THEMIS: variants seen among roughly 807,000 people sequenced by gnomAD.
THEMIS encodes protein THEMIS.
In THEMIS, 37 loss-of-function variants were observed where a neutral mutation model predicts 52.6. The ratio of observed to expected loss-of-function variants is 0.70; its 90% CI spans 0.54 to 0.93. THEMIS has a LOEUF of 0.93. Among genes scored for constraint, THEMIS ranks in the 40% least tolerant of loss-of-function variants. The pLI is 0.00. For missense variants in THEMIS, 808 were observed against 763.1 expected, an observed-to-expected ratio of 1.06 and a Z score of -0.69; for synonymous variants, 292 against 272.7, an observed-to-expected ratio of 1.07 and a Z score of -0.70.
upstream of THEMIS, among the ~76,000 whole-genome samples, chr6:127,904,413 G>T (rs1367170230): frequency 1.3e-5 from 2 of 152,016 alleles, no homozygotes; most frequent in East Asian, 1.9e-4. Flanking sequence ...GCTCCTGAAG[G>T]CTGCTTCCTA....
intron 1 of THEMIS, among the ~76,000 whole-genome samples, chr6:127,864,947 G>T (rs1364936909): frequency 1.3e-5 from 2 of 152,138 alleles, no homozygotes; most frequent in South Asian, 2.1e-4. Flanking sequence ...TCAGGCACAG[G>T]TTTCCAATTG....
chr6:127,892,568 G>A (rs1250345318), intron 1 of THEMIS, among the ~76,000 whole-genome samples: 1 of 151,450 alleles, frequency 6.6e-6, no homozygotes, highest in Non-Finnish European at 1.5e-5. Context: ...GCATTATTAG[G>A]ATGTATGTAA....
At chr6:127,786,616 C>T (rs1028224797) in intron 4 of THEMIS, among the ~76,000 whole-genome samples, 2 of 152,068 alleles carry the variant, frequency 1.3e-5, no homozygotes, top group African/African-American at 4.8e-5. Flanking sequence ...TGTTACTATG[C>T]TTGTTTTATG....
chr6:127,906,373 CA>C (rs1781269538), intron 1 of THEMIS, among the ~76,000 whole-genome samples: 1 of 151,644 alleles, frequency 6.6e-6, no homozygotes, highest in African/African-American at 2.4e-5. Flanking sequence ...CAAAATTGAC[CA>C]AATGAATGGA....
intron 4 of THEMIS, among the ~76,000 whole-genome samples, chr6:127,794,796 C>G (rs1024244315): frequency 3.3e-5 from 5 of 152,180 alleles, no homozygotes; most frequent in Admixed American, 2.0e-4. Context: ...GTCCTTACCT[C>G]TTGCTCTATT....
At chr6:127,897,393 A>G (rs1780999941) in intron 1 of THEMIS, among the ~76,000 whole-genome samples, 1 of 151,304 alleles carries the variant, frequency 6.6e-6, no homozygotes, top group Non-Finnish European at 1.5e-5. Flanking sequence ...GAAAATTGAC[A>G]AAGAGTAAAT....
Position 127,719,751 on chromosome 6 carries a change from T to C in THEMIS, c.1831A>G (p.Ser611Gly). 2.5e-6 allele frequency: 4 copies of C among 1,612,476 alleles called. No homozygotes were observed. In the South Asian group the frequency reaches 4.4e-5, roughly 18 times the overall value. ...TCTTCATCCACCAAATCATTCTGAC[T>C]ACCAATCAGTACTTTTGAATCCAGG... ...AGLDSKVLIGSQNDLVDEEKE... is the reference protein window; with the variant it reads ...AGLDSKVLIGGQNDLVDEEKE... Residue 611 changes from serine to glycine, a missense_variant, in exon 5 of 6, where the codon AGT becomes GGT. Transcript: ENST00000368248.
chr6:127,703,035 G>GTT, the THEMIS span, among the ~76,000 whole-genome samples: 1,228 of 82,352 alleles, frequency 0.015, 304 homozygotes, highest in African/African-American at 0.044. Flanking sequence ...TTTAGAATGA[G>GTT]TTTTTTTTTT....
chr6:127,904,938 C>T (rs902138330), upstream of THEMIS, among the ~76,000 whole-genome samples: 1 of 151,032 alleles, frequency 6.6e-6, no homozygotes, highest in African/African-American at 2.4e-5. Flanking sequence ...AATATCTGCT[C>T]TCTCTCTTTC....
chr6:127,897,564 C>A (rs761672706), intron 1 of THEMIS, among the ~76,000 whole-genome samples: 10 of 151,362 alleles, frequency 6.6e-5, no homozygotes. Flanking sequence ...TATTAGTCAT[C>A]AAGGAGATGA....
chr6:127,848,830 T>C (rs1288073833), intron 2 of THEMIS, among the ~76,000 whole-genome samples: 3 of 152,156 alleles, frequency 2.0e-5, no homozygotes, highest in African/African-American at 7.2e-5. Flanking sequence ...TATTAGCCCT[T>C]TGTCAGATGA....
chr6:127,869,578 G>T (rs749785972), intron 1 of THEMIS, among the ~76,000 whole-genome samples: 2 of 152,126 alleles, frequency 1.3e-5, no homozygotes, highest in African/African-American at 2.4e-5. Context: ...GGAGTTCCAG[G>T]CATATTAATC....
intron 4 of THEMIS, among the ~76,000 whole-genome samples, chr6:127,726,353 CTCT>C (rs1774547636): frequency 2.0e-5 from 3 of 152,200 alleles, no homozygotes; most frequent in East Asian, 3.9e-4. Context: ...CTACAAAGAC[CTCT>C]TCTTCTTCCT....
chr6:127,776,657 A>C (rs1042337255), intron 4 of THEMIS, among the ~76,000 whole-genome samples: 2 of 152,222 alleles, frequency 1.3e-5, no homozygotes, highest in East Asian at 3.8e-4. Flanking sequence ...ACTCACAGAA[A>C]CTGTGCCATA....
intron 5 of THEMIS, among the ~76,000 whole-genome samples, chr6:127,715,235 T>C (rs1158853439): frequency 6.6e-6 from 1 of 151,910 alleles, no homozygotes; most frequent in Non-Finnish European, 1.5e-5. Flanking sequence ...AATATCGTTA[T>C]TCTGTTTATA....
rs569687556 is a variant in THEMIS at position 127,801,572 on chromosome 6, A to C, written c.1758+11311T>G. 3.3e-5 allele frequency among the ~76,000 whole-genome samples: 5 copies of C among 152,132 alleles called. No individual in the cohort carries two copies. In the East Asian group the frequency reaches 9.7e-4, roughly 29 times the overall value. On this transcript the variant is annotated intron_variant, in intron 4 of 5. Transcript: ENST00000368248. ...ACACTGAGTTTCGAAACTCTCATGA[A>C]CCTTTTTTGCTTTTTTGCCAGAAGA...
At chr6:127,816,294 CT>C (rs1014893160) in intron 3 of THEMIS, among the ~76,000 whole-genome samples, 26 of 152,158 alleles carry the variant, frequency 1.7e-4, no homozygotes, top group African/African-American at 6.0e-4. Context: ...CACGCCTACA[CT>C]GATCTTAAGT....
chr6:127,744,427 A>T (rs1775313792), intron 4 of THEMIS, among the ~76,000 whole-genome samples: 2 of 152,036 alleles, frequency 1.3e-5, no homozygotes, highest in South Asian at 4.1e-4. Flanking sequence ...GGGACAATCC[A>T]TATGTCCATC....
intron 3 of THEMIS, 25 bp downstream of exon 3, chr6:127,829,451 A>G: frequency 6.4e-7 from 1 of 1,552,186 alleles, no homozygotes; most frequent in Non-Finnish European, 8.7e-7. Context: ...ATGCTCATAG[A>G]ACATCATTCT....
Sources: gnomAD v4.1 joint callset for allele counts (sites outside exome capture counted in the v4.1 genomes callset) on GRCh38, gnomAD v4.1.1 for gene constraint, MANE v1.5 for transcripts, NCBI Gene and HGNC (gene_info 2026-07-23, HGNC 2026-07-21) for gene names.